NCAM1: variants seen among roughly 807,000 people sequenced by gnomAD.
NCAM1 encodes the protein antigen recognized by monoclonal antibody 5.1H11.
NCAM1 carries 14 observed loss-of-function variants against 109.8 expected under a neutral mutation model. The ratio of observed to expected loss-of-function variants is 0.13; its 90% CI spans 0.08 to 0.20. The LOEUF (loss-of-function observed/expected upper bound fraction) is 0.20, where lower values mean the gene tolerates loss of function less well. Ranked by LOEUF, NCAM1 falls within the 10% of genes least tolerant of loss-of-function variation. The probability of loss-of-function intolerance (pLI) is 1.00; values close to 1 mark genes in which losing one functional copy is unlikely to be tolerated. For missense variants in NCAM1, 774 were observed against 1,109.9 expected, an observed-to-expected ratio of 0.70 and a Z score of 4.30; for synonymous variants, 418 against 442.9, an observed-to-expected ratio of 0.94 and a Z score of 0.70.
chr11:113,205,909 G>A, intron 4 of NCAM1, 134 bp from the exon 5 acceptor site: 1 of 1,184,170 alleles, frequency 8.4e-7, no homozygotes. Context: ...CAAAGCCAGG[G>A]ACGCATTTTC....
At chr11:113,122,654 C>A (rs1941016514) in intron 1 of NCAM1, among the ~76,000 whole-genome samples, 3 of 152,084 alleles carry the variant, frequency 2.0e-5, no homozygotes. Context: ...CATGGTAGTG[C>A]ATGTCTGTAA....
chr11:113,193,918 C>T (rs985439351), intron 1 of NCAM1, among the ~76,000 whole-genome samples: 1 of 152,120 alleles, frequency 6.6e-6, no homozygotes, highest in African/African-American at 2.4e-5. Flanking sequence ...GGGCAGCAAC[C>T]ATGGTTTGAA....
chr11:112,988,164 C>T (rs1219727544), intron 1 of NCAM1, among the ~76,000 whole-genome samples: 1 of 152,154 alleles, frequency 6.6e-6, no homozygotes, highest in African/African-American at 2.4e-5. Context: ...CACAAAACCT[C>T]TACACTTTTA....
chr11:113,159,493 A>G (rs999931107), intron 1 of NCAM1, among the ~76,000 whole-genome samples: 2 of 152,204 alleles, frequency 1.3e-5, no homozygotes, highest in African/African-American at 4.8e-5. Flanking sequence ...AATCCACTGC[A>G]TAGCTGGGTG....
At position 113,225,190 on chromosome 11, in the gene NCAM1, G is replaced by T. The variant is rs190858409; in HGVS notation, c.1089+3865G>T. On this transcript the variant is annotated intron_variant, in intron 9 of 19. Coordinates refer to ENST00000316851, the MANE Select transcript of NCAM1 (RefSeq NM_181351.5). ...AAAGAAGTCAAAAACCTTGAAAAAA[G>T]ATTAGACAAATGGCTAACTAGAATA... Among the ~76,000 whole-genome samples, 425 of 152,224 alleles carry T rather than the reference G, an allele frequency of 2.8e-3. 1 individual carries two copies. Among genetic ancestry groups the T allele is most frequent in the Non-Finnish European group, 4.4e-3 (297 of 68,000 alleles).
At chr11:113,262,426 C>T (rs1331982130) in intron 17 of NCAM1, among the ~76,000 whole-genome samples, 1 of 152,204 alleles carries the variant, frequency 6.6e-6, no homozygotes, top group African/African-American at 2.4e-5. Flanking sequence ...AGGTAACACT[C>T]TCCTAATCAA....
At chr11:113,242,134 A>C (rs531941150) in intron 14 of NCAM1, among the ~76,000 whole-genome samples, 6 of 152,254 alleles carry the variant, frequency 3.9e-5, no homozygotes, top group African/African-American at 1.4e-4. Flanking sequence ...GATGGATTCC[A>C]CTTACCTTTT....
intron 16 of NCAM1, among the ~76,000 whole-genome samples, chr11:113,256,235 C>T (rs1555122314): frequency 6.6e-6 from 1 of 152,188 alleles, no homozygotes; most frequent in African/African-American, 2.4e-5. Context: ...GTGGTGGTGA[C>T]AAACCCATAC....
At position 113,233,386 on chromosome 11, in the gene NCAM1, C is replaced by T; in HGVS notation, c.1693+69C>T. On this transcript the variant is annotated intron_variant, in intron 13 of 19. Transcript: ENST00000316851. This position sits in a 1 kb window ranked among gnomAD's most constrained non-coding sequence, Gnocchi z 4.5. ...TCAGTACTCAGATGTCCCCACCTGC[C>T]ATCCTGGGCATGTTCCTACAGAATC... The T allele has an allele frequency of 6.8e-7, 1 of 1,469,054 alleles. No homozygotes were observed. The highest frequency in any genetic ancestry group is 9.3e-7 in the Non-Finnish European group (1 of 1,079,550). 91.0% of individuals were successfully genotyped at this position (1,469,054 alleles called of 1,614,324 possible). A position where few individuals can be genotyped will look rare whatever the true frequency, so the allele number is the denominator to read the frequency against.
chr11:113,005,656 GT>G lies in NCAM1; in HGVS notation c.52+43995del, dbSNP rs551922633. 1.1e-4 allele frequency among the ~76,000 whole-genome samples: 16 copies of G among 152,234 alleles called. 1 individual carries two copies. In the East Asian group the frequency reaches 2.3e-3, roughly 22 times the overall value. On this transcript the variant is annotated intron_variant, in intron 1 of 19. Transcript: ENST00000316851. ...GTGTATCTTCTGTTCAGGAGGAGTA[GT>G]TTAACTGTAGTATTGAGATGGAGAC...
At chr11:113,221,413 A>G (rs532292258) in intron 9 of NCAM1, 88 bp downstream of exon 9, 2 of 1,350,200 alleles carry the variant, frequency 1.5e-6, no homozygotes, top group Non-Finnish European at 2.1e-6. Context: ...CAGACATGCT[A>G]AACTAATTAG....
chr11:113,171,633 C>CAGTA (rs1269826842), intron 1 of NCAM1, among the ~76,000 whole-genome samples: 3 of 149,498 alleles, frequency 2.0e-5, no homozygotes, highest in Non-Finnish European at 4.4e-5. Context: ...GACTTTGTCT[C>CAGTA]AATAAATAAA....
intron 1 of NCAM1, among the ~76,000 whole-genome samples, chr11:113,055,990 T>TA (rs1272770914): frequency 1.7e-5 from 1 of 60,370 alleles, no homozygotes; most frequent in Admixed American, 2.0e-4. Context: ...TATATATATA[T>TA]ATATATATAT....
chr11:113,225,914 C>A (rs574565378), intron 9 of NCAM1, among the ~76,000 whole-genome samples: 2,686 of 152,286 alleles, frequency 0.018, 37 homozygotes, highest in Non-Finnish European at 0.027. Context: ...GCCTGCCCTA[C>A]AAGAGCTCCT....
intron 1 of NCAM1, among the ~76,000 whole-genome samples, chr11:113,098,660 G>C (rs1476353389): frequency 6.6e-6 from 1 of 152,038 alleles, no homozygotes; most frequent in African/African-American, 2.4e-5. Flanking sequence ...TAAGTAGAGT[G>C]GTCAGATAAG....
intron 1 of NCAM1, among the ~76,000 whole-genome samples, chr11:113,024,663 G>A (rs1401272099): frequency 1.3e-5 from 2 of 152,140 alleles, no homozygotes; most frequent in East Asian, 3.9e-4. Flanking sequence ...GCAGTAAAGT[G>A]GGGATTATGA....
chr11:113,045,136 A>T (rs1363156659), intron 1 of NCAM1, among the ~76,000 whole-genome samples: 8 of 152,244 alleles, frequency 5.3e-5, no homozygotes, highest in Non-Finnish European at 1.0e-4. Context: ...CGTTAAACAC[A>T]TACGAAATAA....
At chr11:113,045,019 G>T (rs1451881088) in intron 1 of NCAM1, among the ~76,000 whole-genome samples, 1 of 152,196 alleles carries the variant, frequency 6.6e-6, no homozygotes, top group Non-Finnish European at 1.5e-5. Context: ...CTCCCAAAGT[G>T]CTGGGATTAC....
At position 113,235,048 on chromosome 11, in the gene NCAM1, T is replaced by C; in HGVS notation, c.1709T>C (p.Ile570Thr). ...YDAKEASMEG[I>T]VTIVGLKPET... ...ATTATAACAGCCAGCATGGAGGGCA[T>C]CGTCACCATCGTGGGCCTGAAGCCC... Residue 570 changes from isoleucine to threonine, a missense_variant, in exon 14 of 20, where the codon ATC becomes ACC. Around this residue, in one of 4 missense-constraint regions of NCAM1, gnomAD observed 523 missense variants for 784.2 expected, o/e 0.67. Coordinates refer to ENST00000316851, the MANE Select transcript of NCAM1 (RefSeq NM_181351.5). 1 of 1,560,992 alleles carries C rather than the reference T, an allele frequency of 6.4e-7. No homozygotes were observed. Among genetic ancestry groups the C allele is most frequent in the Non-Finnish European group, 8.7e-7 (1 of 1,152,240 alleles).
Sources: allele counts gnomAD v4.1 joint callset (sites outside exome capture counted in the v4.1 genomes callset), GRCh38; gene constraint gnomAD v4.1.1; regional missense constraint gnomAD v4.1.1; non-coding constraint Gnocchi (gnomAD v3.1); transcripts MANE v1.5; gene names NCBI Gene and HGNC (gene_info 2026-07-23, HGNC 2026-07-21).